The following ANGPT1 variants were observed in gnomAD, a reference collection of about 807,000 sequenced individuals.
The protein encoded by ANGPT1 is angiopoietin 1, also known as angiopoietin-1.
In ANGPT1, 17 loss-of-function variants were observed where a neutral mutation model predicts 62.2. That is an observed-to-expected ratio of 0.27 (90% CI 0.19 to 0.41). ANGPT1 has a LOEUF of 0.41. Ranked by LOEUF, ANGPT1 falls within the 10% of genes least tolerant of loss-of-function variation. The pLI is 1.00. For missense variants in ANGPT1, 478 were observed against 594.9 expected (o/e 0.80, Z 2.04); for synonymous variants, 199 against 198.9 (o/e 1.00, Z 0.00).
At chr8:107,334,136 G>A (rs975218614) in intron 3 of ANGPT1, among the ~76,000 whole-genome samples, 1 of 151,954 alleles carries the variant, frequency 6.6e-6, no homozygotes, top group African/African-American at 2.4e-5. Flanking sequence ...AGTTAGGGAG[G>A]AGACTTTTCA....
intron 1 of ANGPT1, among the ~76,000 whole-genome samples, chr8:107,436,463 C>T (rs1811337020): frequency 6.6e-6 from 1 of 152,158 alleles, no homozygotes; most frequent in Non-Finnish European, 1.5e-5. Flanking sequence ...GTTCTTTCCT[C>T]TTTCTGGGTC....
chr8:107,453,010 T>A (rs1010645542), intron 1 of ANGPT1, among the ~76,000 whole-genome samples: 11 of 152,076 alleles, frequency 7.2e-5, no homozygotes, highest in Admixed American at 3.9e-4. Context: ...AAATTCACTA[T>A]AACTTTACAT....
intron 1 of ANGPT1, among the ~76,000 whole-genome samples, chr8:107,457,684 C>A (rs1811953818): frequency 6.6e-6 from 1 of 152,142 alleles, no homozygotes; most frequent in East Asian, 1.9e-4. Flanking sequence ...TCTTTGTCAA[C>A]TCAAATTATT....
chr8:107,357,248 T>C (rs755560346), intron 1 of ANGPT1, among the ~76,000 whole-genome samples: 1 of 152,172 alleles, frequency 6.6e-6, no homozygotes, highest in Non-Finnish European at 1.5e-5. Flanking sequence ...GAAATCTTTT[T>C]CCCAAATTCT....
intron 1 of ANGPT1, among the ~76,000 whole-genome samples, chr8:107,433,922 T>C (rs1012168857): frequency 6.6e-6 from 1 of 152,182 alleles, no homozygotes; most frequent in Non-Finnish European, 1.5e-5. Context: ...TATAAATTCA[T>C]CAAGCTCCTA....
chr8:107,462,114 A>G (rs769891308), intron 1 of ANGPT1, among the ~76,000 whole-genome samples: 11 of 152,092 alleles, frequency 7.2e-5, no homozygotes, highest in Non-Finnish European at 1.2e-4. Flanking sequence ...AGTAAAGTTC[A>G]TTTTCTTGGA....
intron 1 of ANGPT1, among the ~76,000 whole-genome samples, chr8:107,370,898 G>A (rs1363908351): frequency 6.6e-6 from 1 of 151,624 alleles, no homozygotes; most frequent in African/African-American, 2.4e-5. Flanking sequence ...GACACAAAGT[G>A]AGCATATGGC....
chr8:107,370,781 A>G (rs2130242570), intron 1 of ANGPT1, among the ~76,000 whole-genome samples: 1 of 151,860 alleles, frequency 6.6e-6, no homozygotes, highest in East Asian at 1.9e-4. Flanking sequence ...AGGACAATGA[A>G]AAGAAAAAAA....
At chr8:107,474,835 T>C (rs1332612016) in intron 1 of ANGPT1, among the ~76,000 whole-genome samples, 1 of 152,164 alleles carries the variant, frequency 6.6e-6, no homozygotes, top group Non-Finnish European at 1.5e-5. Context: ...CCATTCACAA[T>C]TGCTTCAAAG....
intron 1 of ANGPT1, among the ~76,000 whole-genome samples, chr8:107,376,161 T>C (rs1816526944): frequency 6.6e-6 from 1 of 152,196 alleles, no homozygotes; most frequent in South Asian, 2.1e-4. Flanking sequence ...AGCATTATAA[T>C]GTCCCTCTTG....
In ANGPT1 at chr8:107,399,577, T is replaced by A. The variant is rs1456788431; in HGVS notation, c.298-52480A>T. Among the ~76,000 whole-genome samples, 4 of 152,116 alleles carry A rather than the reference T, an allele frequency of 2.6e-5. 1 individual carries two copies. In the South Asian group the frequency reaches 8.3e-4, roughly 32 times the overall value. ...TCACGGTCTCACAGAGAAGAAACAGTAAAGGCCTTTCAAGATCCTTTGCAC... is the reference window on the plus strand; with the variant it reads ...TCACGGTCTCACAGAGAAGAAACAGAAAAGGCCTTTCAAGATCCTTTGCAC... On this transcript the variant is annotated intron_variant, in intron 1 of 8. Coordinates refer to ENST00000517746, the MANE Select transcript of ANGPT1 (RefSeq NM_001146.5).
At chr8:107,361,169 G>T (rs902270142) in intron 1 of ANGPT1, among the ~76,000 whole-genome samples, 4 of 151,824 alleles carry the variant, frequency 2.6e-5, no homozygotes, top group African/African-American at 9.7e-5. Context: ...CATAATATTA[G>T]AGCATATTCT....
rs1361052042 is a variant in ANGPT1 at position 107,322,037 on chromosome 8, C to T, written c.667G>A (p.Val223Ile). 2.3e-5 allele frequency: 37 copies of T among 1,613,786 alleles called. No individual in the cohort carries two copies. In the Admixed American group the frequency reaches 5.7e-4, roughly 25 times the overall value. ...KEEKENLQGL[V>I]TRQTYIIQEL... Reference sequence around the variant, plus strand: ...TGGATTATATATGTTTGACGAGTAACCAAGCCTTGAAGGTTCTCTTTCTCT... The same window carrying T: ...TGGATTATATATGTTTGACGAGTAATCAAGCCTTGAAGGTTCTCTTTCTCT... The change falls in exon 4 of 9, where the codon GTT becomes ATT. Residue 223 changes from valine to isoleucine, a missense_variant. Val to Ile is a conservative substitution (Grantham distance 29). Coordinates refer to ENST00000517746, the MANE Select transcript of ANGPT1 (RefSeq NM_001146.5).
chr8:107,380,178 A>T (rs1286839918), intron 1 of ANGPT1, among the ~76,000 whole-genome samples: 1 of 152,138 alleles, frequency 6.6e-6, no homozygotes, highest in East Asian at 1.9e-4. Context: ...AATTAAGTAG[A>T]ATAGAGAAGG....
intron 1 of ANGPT1, among the ~76,000 whole-genome samples, chr8:107,393,750 C>T (rs942724211): frequency 2.6e-5 from 4 of 152,156 alleles, no homozygotes; most frequent in African/African-American, 9.7e-5. Flanking sequence ...ACGGTGTTTG[C>T]AGTGAACTGA....
At chr8:107,434,605 A>G (rs1466825622) in intron 1 of ANGPT1, among the ~76,000 whole-genome samples, 1 of 128,508 alleles carries the variant, frequency 7.8e-6, no homozygotes, top group Non-Finnish European at 1.7e-5. Context: ...AAAAAAAAAG[A>G]AAAAAATACT....
At chr8:107,396,087 A>T (rs1816928274) in intron 1 of ANGPT1, among the ~76,000 whole-genome samples, 2 of 152,172 alleles carry the variant, frequency 1.3e-5, no homozygotes. Flanking sequence ...AGAGACCATG[A>T]TCTGTTTATT....
chr8:107,383,187 T>A (rs1816672263), intron 1 of ANGPT1, among the ~76,000 whole-genome samples: 1 of 152,158 alleles, frequency 6.6e-6, no homozygotes, highest in Non-Finnish European at 1.5e-5. Context: ...CAGATCAGTA[T>A]GAAGCAGCTT....
At chr8:107,481,855 G>A (rs1008712630) in intron 1 of ANGPT1, among the ~76,000 whole-genome samples, 1 of 152,138 alleles carries the variant, frequency 6.6e-6, no homozygotes, top group Admixed American at 6.5e-5. Context: ...AACAGCATGG[G>A]AAAACTGCCC....
Sources: allele counts gnomAD v4.1 joint callset (sites outside exome capture counted in the v4.1 genomes callset), GRCh38; gene constraint gnomAD v4.1.1; transcripts MANE v1.5; gene names NCBI Gene and HGNC (gene_info 2026-07-23, HGNC 2026-07-21).